MRPL1: variants seen among roughly 807,000 people sequenced by gnomAD.
The protein encoded by MRPL1 is mitochondrial ribosomal protein L1.
MRPL1 carries 28 observed loss-of-function variants against 38.0 expected under a neutral mutation model. The ratio of observed to expected loss-of-function variants is 0.74; its 90% confidence interval spans 0.55 to 1.01. The LOEUF (loss-of-function observed/expected upper bound fraction) is 1.01, where lower values mean the gene tolerates loss of function less well. Among genes scored for constraint, MRPL1 ranks in the 50% least tolerant of loss-of-function variants. The pLI is 0.00. For synonymous variants in MRPL1, 123 were observed against 126.7 expected (o/e 0.97, Z 0.20); for missense variants, 358 against 389.8 (o/e 0.92, Z 0.69).
chr4:77,944,098 C>T (rs998129909), intron 7 of MRPL1, among the ~76,000 whole-genome samples: 1 of 152,220 alleles, frequency 6.6e-6, no homozygotes, highest in Non-Finnish European at 1.5e-5. Flanking sequence ...TAGTGCTCCC[C>T]TCCTTCCCCT....
intron 6 of MRPL1, among the ~76,000 whole-genome samples, chr4:77,898,264 TTG>T (rs147735700): frequency 6.6e-6 from 1 of 151,498 alleles, no homozygotes; most frequent in Non-Finnish European, 1.5e-5. Context: ...CATCTTTTTT[TTG>T]TGTGTGTGTG....
chr4:77,876,173 A>C (rs1280175392), intron 2 of MRPL1, among the ~76,000 whole-genome samples: 1 of 152,014 alleles, frequency 6.6e-6, no homozygotes. Flanking sequence ...GGGTTTCACC[A>C]TGTTGGCCAG....
intron 2 of MRPL1, among the ~76,000 whole-genome samples, chr4:77,879,600 G>A (rs76986289): frequency 0.029 from 4,415 of 152,282 alleles, 108 homozygotes; most frequent in Middle Eastern, 0.058. Flanking sequence ...CTGCATTTAT[G>A]TAAAGTAAGC....
chr4:77,951,783 C>G (rs1379184044), intron 8 of MRPL1, among the ~76,000 whole-genome samples: 3 of 152,158 alleles, frequency 2.0e-5, no homozygotes, highest in African/African-American at 7.2e-5. Context: ...ATTGGTATGT[C>G]TGCATGATCC....
At chr4:77,942,290 C>T (rs2110265620) in intron 7 of MRPL1, among the ~76,000 whole-genome samples, 1 of 152,226 alleles carries the variant, frequency 6.6e-6, no homozygotes, top group African/African-American at 2.4e-5. Flanking sequence ...ATCCTATGAT[C>T]TATCTTGGAG....
chr4:77,945,248 T>C (rs546374143), intron 7 of MRPL1, among the ~76,000 whole-genome samples: 3 of 151,668 alleles, frequency 2.0e-5, no homozygotes, highest in East Asian at 1.9e-4. Context: ...TTAGGAGTCA[T>C]GGAAATTAAG....
At chr4:77,915,718 T>A (rs1207251226) in intron 7 of MRPL1, among the ~76,000 whole-genome samples, 1 of 152,188 alleles carries the variant, frequency 6.6e-6, no homozygotes, top group Non-Finnish European at 1.5e-5. Flanking sequence ...CGGCCTTAGT[T>A]TTGTTCTTAA....
intron 4 of MRPL1, among the ~76,000 whole-genome samples, chr4:77,885,805 A>G (rs955349798): frequency 3.3e-5 from 5 of 152,208 alleles, no homozygotes; most frequent in African/African-American, 1.2e-4. Context: ...AAACATTTAG[A>G]TGATTTATTT....
intron 2 of MRPL1, among the ~76,000 whole-genome samples, chr4:77,876,661 C>A (rs1226522520): frequency 2.0e-5 from 3 of 152,084 alleles, no homozygotes; most frequent in Non-Finnish European, 4.4e-5. Context: ...CTTTATAATA[C>A]ACTAAAAAAT....
At chr4:77,951,556 A>T (rs1737410398) in intron 8 of MRPL1, among the ~76,000 whole-genome samples, 1 of 152,158 alleles carries the variant, frequency 6.6e-6, no homozygotes. Context: ...AAAATATGAC[A>T]TGAGTTCTAT....
intron 7 of MRPL1, among the ~76,000 whole-genome samples, chr4:77,924,629 TATGTTTGTC>T (rs1339275504): frequency 6.6e-6 from 1 of 152,200 alleles, no homozygotes; most frequent in Non-Finnish European, 1.5e-5. Flanking sequence ...TATATATGTG[TATGTTTGTC>T]ATGTTTGTCA....
At chr4:77,924,358 A>G (rs1227573292) in intron 7 of MRPL1, among the ~76,000 whole-genome samples, 1 of 152,166 alleles carries the variant, frequency 6.6e-6, no homozygotes, top group African/African-American at 2.4e-5. Context: ...CAAGTTTGAA[A>G]AAATTAATAA....
chr4:77,906,491 C>T (rs1736161364), intron 6 of MRPL1, among the ~76,000 whole-genome samples: 1 of 151,778 alleles, frequency 6.6e-6, no homozygotes, highest in Admixed American at 6.6e-5. Flanking sequence ...TGAAGATTGT[C>T]TAGGGAAGCA....
At chr4:77,874,959 TG>T (rs1363579093) in intron 2 of MRPL1, among the ~76,000 whole-genome samples, 1 of 151,802 alleles carries the variant, frequency 6.6e-6, no homozygotes, top group Non-Finnish European at 1.5e-5. Flanking sequence ...TTTTTTTTTT[TG>T]TATTTTTAGT....
At chr4:77,884,564 T>A (rs1196029923) in intron 3 of MRPL1, among the ~76,000 whole-genome samples, 1 of 152,226 alleles carries the variant, frequency 6.6e-6, no homozygotes, top group Non-Finnish European at 1.5e-5. Context: ...TGCCATTGTT[T>A]ATTTAGGATT....
At chr4:77,882,662 AT>A (rs1483869185) in intron 2 of MRPL1, among the ~76,000 whole-genome samples, 1 of 152,140 alleles carries the variant, frequency 6.6e-6, no homozygotes, top group African/African-American at 2.4e-5. Context: ...TCAATATTTC[AT>A]TCTTTTATTA....
At chr4:77,905,605 G>A (rs1253907211) in intron 6 of MRPL1, among the ~76,000 whole-genome samples, 1 of 151,198 alleles carries the variant, frequency 6.6e-6, no homozygotes. Flanking sequence ...CAAAGAAGAA[G>A]GAATATACAA....
intron 4 of MRPL1, 86 bp downstream of exon 4, chr4:77,885,425 G>A (rs1735653434): frequency 9.9e-7 from 1 of 1,012,348 alleles, no homozygotes; most frequent in Non-Finnish European, 1.5e-6. Context: ...GGAGTGCAGT[G>A]GGGCAACCTC....
intron 7 of MRPL1, 56 bp from the exon 8 acceptor site, chr4:77,949,741 A>G (rs1737363274): frequency 8.2e-7 from 1 of 1,213,786 alleles, no homozygotes; most frequent in African/African-American, 1.5e-5. Context: ...GTCTAGAATA[A>G]TTTATTATCT....
Sources: gnomAD v4.1 joint callset for allele counts (sites outside exome capture counted in the v4.1 genomes callset) on GRCh38, gnomAD v4.1.1 for gene constraint, MANE v1.5 for transcripts, NCBI Gene and HGNC (gene_info 2026-07-23, HGNC 2026-07-21) for gene names.